Variants in NCKAP5 observed in about 807,000 individuals in gnomAD.
The protein encoded by NCKAP5 is NCK associated protein 5.
Under a neutral mutation model 167.0 loss-of-function variants are expected in NCKAP5, and 92 were observed. The observed-to-expected ratio is 0.55, with a 90% confidence interval of 0.47 to 0.66. NCKAP5 has a LOEUF of 0.66. Ranked by LOEUF, NCKAP5 falls within the 30% of genes least tolerant of loss-of-function variation. The pLI is 0.00. For missense variants in NCKAP5, 2,378 were observed against 2,315.0 expected (o/e 1.03, Z -0.56); for synonymous variants, 891 against 877.4 (o/e 1.02, Z -0.27).
intron 4 of NCKAP5, among the ~76,000 whole-genome samples, chr2:133,221,141 T>C (rs553282349): frequency 6.6e-6 from 1 of 152,322 alleles, no homozygotes; most frequent in South Asian, 2.1e-4. Flanking sequence ...GTGTGATCAC[T>C]TGATCTTTCC....
chr2:133,290,897 A>G (rs894428108), intron 4 of NCKAP5, among the ~76,000 whole-genome samples: 1 of 151,774 alleles, frequency 6.6e-6, no homozygotes, highest in African/African-American at 2.4e-5. Flanking sequence ...GAGACCCAGG[A>G]GCACTCACCA....
At chr2:132,857,334 T>A (rs1488400452) in intron 11 of NCKAP5, among the ~76,000 whole-genome samples, 1 of 152,230 alleles carries the variant, frequency 6.6e-6, no homozygotes, top group African/African-American at 2.4e-5. Flanking sequence ...CCACAATTTA[T>A]TTTTATAGTT....
intron 8 of NCKAP5, among the ~76,000 whole-genome samples, chr2:132,920,707 ATGTATATATATG>A (rs1695273549): frequency 2.9e-5 from 3 of 102,622 alleles, no homozygotes; most frequent in African/African-American, 1.3e-4. Flanking sequence ...ATATACGTAT[ATGTATATATATG>A]TATATATATA....
chr2:133,344,172 C>T (rs1489352372), intron 3 of NCKAP5, among the ~76,000 whole-genome samples: 2 of 152,102 alleles, frequency 1.3e-5, no homozygotes, highest in East Asian at 1.9e-4. Flanking sequence ...CTTTGGGAGG[C>T]CAAGGTGGGT....
At chr2:132,720,509 G>A (rs936663456) in intron 19 of NCKAP5, among the ~76,000 whole-genome samples, 1 of 152,208 alleles carries the variant, frequency 6.6e-6, no homozygotes, top group African/African-American at 2.4e-5. Flanking sequence ...CAAAACCAGG[G>A]AATGTGGGGC....
intron 3 of NCKAP5, among the ~76,000 whole-genome samples, chr2:133,376,956 G>A (rs574400848): frequency 1.3e-5 from 2 of 152,304 alleles, no homozygotes; most frequent in Admixed American, 6.5e-5. Flanking sequence ...AGGCCCAAAA[G>A]AAATTGTAAG....
At chr2:133,068,359 T>C (rs1388053357) in intron 6 of NCKAP5, among the ~76,000 whole-genome samples, 1 of 152,214 alleles carries the variant, frequency 6.6e-6, no homozygotes, top group Admixed American at 6.5e-5. Context: ...ACACATCCTG[T>C]GGCCTTTGGA....
chr2:133,593,403 C>T, the NCKAP5 span, among the ~76,000 whole-genome samples: 2 of 149,730 alleles, frequency 1.3e-5, no homozygotes, highest in African/African-American at 2.5e-5. Context: ...CACCCTTGGA[C>T]CAATGGTGTC....
At chr2:133,488,733 C>A (rs1264634234) in intron 3 of NCKAP5, among the ~76,000 whole-genome samples, 1 of 151,922 alleles carries the variant, frequency 6.6e-6, no homozygotes, top group East Asian at 1.9e-4. Flanking sequence ...ACGGCCAACA[C>A]GGTGAAACCC....
In NCKAP5 at chr2:132,781,354, G is replaced by A. The variant is rs142304323; in HGVS notation, c.4872-125C>T. ...GCTCTTTGTCTTTAAACCTTTGACGGATAAGGGTTTCTCATGGGCCTTGAT... is the reference window on the plus strand; with the variant it reads ...GCTCTTTGTCTTTAAACCTTTGACGAATAAGGGTTTCTCATGGGCCTTGAT... On this transcript the variant is annotated intron_variant, in intron 14 of 19. Coordinates refer to ENST00000409261, the MANE Select transcript of NCKAP5 (RefSeq NM_207363.3). 1.7e-3 allele frequency: 1,444 copies of A among 862,864 alleles called. 21 individuals are homozygous for A. In the African/African-American group the frequency reaches 0.022, roughly 13 times the overall value. The allele number at this position is 862,864 out of a possible 1,614,324, so 53.5% of individuals were successfully genotyped here.
chr2:133,260,369 T>C (rs2088838925), intron 4 of NCKAP5, among the ~76,000 whole-genome samples: 1 of 152,192 alleles, frequency 6.6e-6, no homozygotes, highest in African/African-American at 2.4e-5. Flanking sequence ...TGGAACTTAT[T>C]TGGTGCTGTA....
intron 11 of NCKAP5, among the ~76,000 whole-genome samples, chr2:132,801,297 G>A (rs779759385): frequency 6.6e-6 from 1 of 152,116 alleles, no homozygotes; most frequent in African/African-American, 2.4e-5. Flanking sequence ...ACTGAATTTG[G>A]GCCATGATTC....
chr2:133,470,546 G>C (rs934459949), intron 3 of NCKAP5, among the ~76,000 whole-genome samples: 1 of 152,190 alleles, frequency 6.6e-6, no homozygotes, highest in African/African-American at 2.4e-5. Context: ...CACCCAGTTC[G>C]AGCTTCCTGG....
chr2:132,736,507 G>A lies in NCKAP5; in HGVS notation c.5129-4456C>T, dbSNP rs574066676. Among the ~76,000 whole-genome samples, 177 of 152,176 alleles carry A rather than the reference G, an allele frequency of 1.2e-3. 1 individual carries two copies. The South Asian group carries it at 0.019, about 16-fold the overall frequency. On this transcript the variant is annotated intron_variant, in intron 16 of 19. Transcript: ENST00000409261. ...AACAAATGTGAGTTCACAGCTGGGC[G>A]CGGTGGCTCATGCCTGTAATCCCAG...
At chr2:133,215,413 A>G (rs2086385103) in intron 4 of NCKAP5, among the ~76,000 whole-genome samples, 1 of 152,200 alleles carries the variant, frequency 6.6e-6, no homozygotes, top group South Asian at 2.1e-4. Flanking sequence ...AAATACTTAT[A>G]AAGTCAAAGA....
intron 5 of NCKAP5, among the ~76,000 whole-genome samples, chr2:133,174,809 T>A (rs2084391137): frequency 6.6e-6 from 1 of 151,998 alleles, no homozygotes; most frequent in Non-Finnish European, 1.5e-5. Flanking sequence ...CCAAGATTGG[T>A]CTCTAGCTGT....
At chr2:132,899,475 T>C (rs11884400) in intron 8 of NCKAP5, among the ~76,000 whole-genome samples, 5,417 of 152,390 alleles carry the variant, frequency 0.036, 275 homozygotes, top group African/African-American at 0.11. Context: ...TATTCCTTTG[T>C]ACTCACAACT....
chr2:132,792,863 T>G (rs1684181678), intron 12 of NCKAP5, among the ~76,000 whole-genome samples: 1 of 152,236 alleles, frequency 6.6e-6, no homozygotes, highest in South Asian at 2.1e-4. Flanking sequence ...TAAGCAGCCC[T>G]GCCCACTCAT....
chr2:133,041,525 C>T (rs2079217286), intron 6 of NCKAP5, among the ~76,000 whole-genome samples: 1 of 152,052 alleles, frequency 6.6e-6, no homozygotes, highest in South Asian at 2.1e-4. Flanking sequence ...TATATTTATA[C>T]AAGAGAAATA....
Sources: gnomAD v4.1 joint callset for allele counts (sites outside exome capture counted in the v4.1 genomes callset) on GRCh38, gnomAD v4.1.1 for gene constraint, MANE v1.5 for transcripts, NCBI Gene and HGNC (gene_info 2026-07-23, HGNC 2026-07-21) for gene names.